Variants in SKAP2 observed in about 807,000 individuals in gnomAD.
SKAP2 encodes the protein src kinase associated phosphoprotein 2.
A neutral mutation model predicts 54.9 loss-of-function variants in SKAP2; 28 were observed. The observed-to-expected ratio is 0.51, with a 90% CI of 0.38 to 0.70. SKAP2 has a LOEUF of 0.70. Ranked by LOEUF, SKAP2 falls within the 30% of genes least tolerant of loss-of-function variation. The pLI, the probability that SKAP2 is intolerant of heterozygous loss-of-function variation, is 0.00. For missense variants in SKAP2, 356 were observed against 424.1 expected (o/e 0.84, Z 1.41); for synonymous variants, 137 against 134.3 (o/e 1.02, Z -0.14).
intron 4 of SKAP2, among the ~76,000 whole-genome samples, chr7:26,797,698 TC>T (rs2127983403): frequency 6.6e-6 from 1 of 152,146 alleles, no homozygotes; most frequent in African/African-American, 2.4e-5. Flanking sequence ...CAGGGACCAA[TC>T]CTGGAGAAAC....
intron 11 of SKAP2, among the ~76,000 whole-genome samples, chr7:26,675,250 A>G (rs1169271674): frequency 1.3e-5 from 2 of 152,008 alleles, no homozygotes; most frequent in Non-Finnish European, 2.9e-5. Context: ...TTTTCCTGTC[A>G]CTGTTCTAGC....
rs1324103793 is a variant in SKAP2, at chr7:26,667,879, CA to C, written c.*1786del. On this transcript the variant is annotated 3_prime_UTR_variant, in exon 13 of 13. Coordinates refer to ENST00000345317, the MANE Select transcript of SKAP2 (RefSeq NM_003930.5). ...TTTCAGCTGCTCAAGTTTTGAAAAC[CA>C]GTCCACTAAAGTCGTCTTTGGTTGT... 5 of 152,176 alleles carry C rather than the reference CA, an allele frequency of 3.3e-5. No individual in the cohort carries two copies. Among genetic ancestry groups the C allele is most frequent in the African/African-American group, 1.2e-4 (5 of 41,430 alleles). 9.4% of individuals were successfully genotyped at this position (152,176 alleles called of 1,614,324 possible).
At chr7:26,787,415 T>C (rs948323501) in intron 4 of SKAP2, among the ~76,000 whole-genome samples, 2 of 151,778 alleles carry the variant, frequency 1.3e-5, no homozygotes, top group Non-Finnish European at 2.9e-5. Context: ...CTCTGCCTCC[T>C]GGGCTCAAGC....
At chr7:26,854,213 G>A in intron 2 of SKAP2, 51 bp from the exon 3 acceptor site, 1 of 1,182,356 alleles carries the variant, frequency 8.5e-7, no homozygotes, top group Non-Finnish European at 1.2e-6. Context: ...TCAAAACAAG[G>A]TCTAATCAGT....
chr7:26,830,707 T>C (rs1279108124), intron 4 of SKAP2, among the ~76,000 whole-genome samples: 1 of 152,200 alleles, frequency 6.6e-6, no homozygotes, highest in African/African-American at 2.4e-5. Context: ...TTTAAATCTA[T>C]AGCATACTTA....
intron 4 of SKAP2, among the ~76,000 whole-genome samples, chr7:26,770,532 T>G (rs976230347): frequency 2.6e-5 from 4 of 152,114 alleles, no homozygotes; most frequent in African/African-American, 9.7e-5. Context: ...TAGCTCGGTG[T>G]CTGCGCAAAT....
chr7:26,784,244 T>C (rs1409524149), intron 4 of SKAP2, among the ~76,000 whole-genome samples: 1 of 152,222 alleles, frequency 6.6e-6, no homozygotes, highest in Non-Finnish European at 1.5e-5. Context: ...TTCAGGGAGT[T>C]ACCTATTGTT....
chr7:26,669,282 T>C lies in SKAP2; in HGVS notation c.*384A>G, dbSNP rs778453279. 2.0e-5 allele frequency: 3 copies of C among 152,168 alleles called. No homozygotes were observed. Among genetic ancestry groups the C allele is most frequent in the African/African-American group, 4.8e-5 (2 of 41,454 alleles). 9.4% of individuals were successfully genotyped at this position (152,168 alleles called of 1,614,324 possible). ...ATTATACATTACTCTCTAAAAATAA[T>C]TGATGTCCAATGATTAAGAAACATT... On this transcript the variant is annotated 3_prime_UTR_variant, in exon 13 of 13. Coordinates refer to ENST00000345317, the MANE Select transcript of SKAP2 (RefSeq NM_003930.5).
intron 4 of SKAP2, among the ~76,000 whole-genome samples, chr7:26,754,887 T>C (rs1414058922): frequency 2.0e-5 from 3 of 152,190 alleles, no homozygotes; most frequent in Admixed American, 6.5e-5. Context: ...AAATATACAA[T>C]GACCTCTTGA....
chr7:26,813,004 C>G (rs1041529334), intron 4 of SKAP2, among the ~76,000 whole-genome samples: 6 of 152,088 alleles, frequency 3.9e-5, no homozygotes, highest in African/African-American at 1.4e-4. Context: ...GAACTATATT[C>G]CAAATTCTAT....
chr7:26,827,192 G>A (rs994789801), intron 4 of SKAP2, among the ~76,000 whole-genome samples: 2 of 152,104 alleles, frequency 1.3e-5, no homozygotes, highest in Non-Finnish European at 2.9e-5. Flanking sequence ...AAGCAAGGAG[G>A]AGCTTCTGGA....
the SKAP2 span, among the ~76,000 whole-genome samples, chr7:26,657,451 C>T: frequency 6.6e-6 from 1 of 152,140 alleles, no homozygotes; most frequent in Admixed American, 6.5e-5. Flanking sequence ...GCATCATTCC[C>T]CTCTTGCAAA....
chr7:26,778,710 T>A (rs114779154), intron 4 of SKAP2, among the ~76,000 whole-genome samples: 1 of 151,998 alleles, frequency 6.6e-6, no homozygotes, highest in African/African-American at 2.4e-5. Context: ...CAAACATATA[T>A]GTTTCTTCTG....
chr7:26,784,565 A>T (rs1783499675), intron 4 of SKAP2, among the ~76,000 whole-genome samples: 1 of 152,216 alleles, frequency 6.6e-6, no homozygotes, highest in Non-Finnish European at 1.5e-5. Flanking sequence ...TGAATCATTC[A>T]TATTTATCTC....
At chr7:26,727,446 A>G (rs1192511641) in intron 6 of SKAP2, among the ~76,000 whole-genome samples, 1 of 152,136 alleles carries the variant, frequency 6.6e-6, no homozygotes, top group Non-Finnish European at 1.5e-5. Context: ...AGAAGCTTCT[A>G]AAACAAAAGT....
chr7:26,732,323 T>G (rs1787839192), intron 6 of SKAP2, among the ~76,000 whole-genome samples: 1 of 152,084 alleles, frequency 6.6e-6, no homozygotes. Context: ...CAGCAGTGTG[T>G]CCCAATAAGA....
intron 4 of SKAP2, among the ~76,000 whole-genome samples, chr7:26,742,062 A>G (rs1013692180): frequency 1.3e-5 from 2 of 152,162 alleles, no homozygotes; most frequent in African/African-American, 4.8e-5. Context: ...AAATGTATCC[A>G]GTTTTTTTCA....
downstream of SKAP2, among the ~76,000 whole-genome samples, chr7:26,663,696 T>C (rs1328828266): frequency 1.3e-5 from 2 of 152,292 alleles, no homozygotes; most frequent in Non-Finnish European, 2.9e-5. Flanking sequence ...CAGAAGCAGC[T>C]GGATTTGCAG....
At chr7:26,840,628 T>C (rs2127994956) in intron 4 of SKAP2, among the ~76,000 whole-genome samples, 1 of 152,200 alleles carries the variant, frequency 6.6e-6, no homozygotes, top group South Asian at 2.1e-4. Flanking sequence ...GAAACTCCAA[T>C]ATATCCAGCC....
Sources: gnomAD v4.1 joint callset for allele counts (sites outside exome capture counted in the v4.1 genomes callset) on GRCh38, gnomAD v4.1.1 for gene constraint, MANE v1.5 for transcripts, NCBI Gene and HGNC (gene_info 2026-07-23, HGNC 2026-07-21) for gene names.